Variants in ANKRD18A observed in about 807,000 individuals in gnomAD.
The protein encoded by ANKRD18A is ankyrin repeat domain 18A.
In ANKRD18A, 72 loss-of-function variants were observed where a neutral mutation model predicts 110.6. That is an observed-to-expected ratio of 0.65 (90% CI 0.54 to 0.79). ANKRD18A has a LOEUF of 0.79. ANKRD18A is among the 30% of genes least tolerant of loss of function. ANKRD18A has a pLI of 0.00. For missense variants in ANKRD18A, 934 were observed against 1,163.3 expected (o/e 0.80, Z 2.87); for synonymous variants, 305 against 410.3 (o/e 0.74, Z 3.10).
intron 1 of ANKRD18A, among the ~76,000 whole-genome samples, chr9:38,618,193 A>G (rs1039523327): frequency 6.6e-6 from 1 of 152,220 alleles, no homozygotes; most frequent in Non-Finnish European, 1.5e-5. Context: ...TTCCATTAAT[A>G]ATAAATTTTT....
At position 38,593,753 on chromosome 9, in the gene ANKRD18A, T is replaced by C. The variant is rs1464888622; in HGVS notation, c.2004+7A>G. ...TTAACTGTCTACATGTTAAATTCCA[T>C]ACATACTTGAATTTCTACTTGAAAT... is the stretch of plus-strand genomic sequence containing the variant. On this transcript the variant is annotated splice_region_variant and intron_variant, in intron 10 of 15. Transcript: ENST00000399703. 2 of 1,526,274 alleles carry C rather than the reference T, an allele frequency of 1.3e-6. No homozygotes were observed. The highest frequency in any genetic ancestry group is 1.8e-6 in the Non-Finnish European group (2 of 1,137,334). 94.5% of individuals were successfully genotyped at this position (1,526,274 alleles called of 1,614,324 possible). A position where few individuals can be genotyped will look rare whatever the true frequency, so the allele number is the denominator to read the frequency against.
rs572341074 is a variant in ANKRD18A at position 38,619,887 on chromosome 9, T to C, written c.206+193A>G. On this transcript the variant is annotated intron_variant, in intron 1 of 15. Transcript: ENST00000399703. Reference sequence around the variant, plus strand: ...CGTGGATATGCCTAACTTTGTGAGTTAAATCACTCAAATTTTCCACCAAGC... The same window carrying C: ...CGTGGATATGCCTAACTTTGTGAGTCAAATCACTCAAATTTTCCACCAAGC... Among the ~76,000 whole-genome samples, 5 of 152,320 alleles carry C rather than the reference T, an allele frequency of 3.3e-5. No individual in the cohort carries two copies. The East Asian group carries it at 9.7e-4, about 29-fold the overall frequency.
intron 1 of ANKRD18A, 41 bp from the exon 2 acceptor site, chr9:38,616,085 A>G (rs1825846855): frequency 3.5e-6 from 5 of 1,448,970 alleles, no homozygotes; most frequent in Admixed American, 2.4e-5. Context: ...GTAGTGCAAT[A>G]TCTCAAAACC....
chr9:38,595,342 T>G, intron 9 of ANKRD18A, 144 bp downstream of exon 9: 1 of 880,784 alleles, frequency 1.1e-6, no homozygotes, highest in Non-Finnish European at 1.6e-6. Flanking sequence ...ATGTATTTCC[T>G]GGATGATTCA....
chr9:38,603,663 C>A (rs1027058819), intron 6 of ANKRD18A, among the ~76,000 whole-genome samples: 1 of 152,076 alleles, frequency 6.6e-6, no homozygotes, highest in Non-Finnish European at 1.5e-5. Flanking sequence ...AGAGAGACCA[C>A]ATGGCCTAAA....
downstream of ANKRD18A, chr9:38,568,382 A>G (rs1587471958): frequency 6.6e-6 from 1 of 151,874 alleles, no homozygotes; most frequent in Non-Finnish European, 1.5e-5. Flanking sequence ...CTCAAAGAGC[A>G]ACCAGCCACC....
chr9:38,593,063 C>T (rs1430283130), intron 10 of ANKRD18A, among the ~76,000 whole-genome samples: 1 of 152,132 alleles, frequency 6.6e-6, no homozygotes, highest in Non-Finnish European at 1.5e-5. Context: ...CTGAGTTGTA[C>T]ATTTTAAATG....
chr9:38,615,535 C>T, intron 3 of ANKRD18A, 59 bp downstream of exon 3: 3 of 1,481,410 alleles, frequency 2.0e-6, no homozygotes, highest in Non-Finnish European at 2.7e-6. Context: ...GAAAAATTGA[C>T]TCTTAACTAT....
At chr9:38,582,369 T>C (rs904716470) in intron 12 of ANKRD18A, among the ~76,000 whole-genome samples, 7 of 152,072 alleles carry the variant, frequency 4.6e-5, no homozygotes, top group African/African-American at 1.4e-4. Flanking sequence ...ACAGACTCCT[T>C]TGAGACACAA....
chr9:38,569,541 T>C (rs1366036638), downstream of ANKRD18A: 3 of 807,772 alleles, frequency 3.7e-6, no homozygotes, highest in East Asian at 2.5e-4. Flanking sequence ...AAGAGTGACA[T>C]TGTGGGGTGA....
At chr9:38,589,917 C>T (rs937274971) in intron 10 of ANKRD18A, among the ~76,000 whole-genome samples, 4 of 152,196 alleles carry the variant, frequency 2.6e-5, no homozygotes, top group African/African-American at 9.7e-5. Flanking sequence ...CCAGCTCTGA[C>T]CTTTTTACTG....
chr9:38,577,210 A>T lies in ANKRD18A; in HGVS notation c.2584T>A (p.Ser862Thr), dbSNP rs1207643930. The T allele has an allele frequency of 6.5e-7, 1 of 1,546,308 alleles. No homozygotes were observed. The highest frequency in any genetic ancestry group is 8.7e-7 in the Non-Finnish European group (1 of 1,145,980). The change falls in exon 14 of 16, where the codon TCA becomes ACA. Residue 862 changes from serine (S) to threonine (T), a missense_variant. Physicochemically the swap from Ser to Thr is moderately conservative, Grantham distance 58. Transcript: ENST00000399703. ...AGTGTGAGTTCCTTCTTTTTTAGTG[A>T]AGCCGTATTATCCTTGTTTAACTGC... ...LEQLNKDNTA[S>T]LKKKELTLKD...
intron 8 of ANKRD18A, among the ~76,000 whole-genome samples, chr9:38,597,684 C>T (rs1280283756): frequency 1.3e-5 from 2 of 152,190 alleles, no homozygotes; most frequent in African/African-American, 4.8e-5. Flanking sequence ...TTTGGCAAAA[C>T]AATTTAATGG....
At chr9:38,599,701 T>C (rs1255039133) in intron 8 of ANKRD18A, among the ~76,000 whole-genome samples, 4 of 152,058 alleles carry the variant, frequency 2.6e-5, no homozygotes, top group African/African-American at 9.7e-5. Context: ...TGACCTCAGA[T>C]GATCTGCCTG....
chr9:38,595,163 A>C (rs1288130545), intron 9 of ANKRD18A, among the ~76,000 whole-genome samples: 2 of 152,182 alleles, frequency 1.3e-5, no homozygotes, highest in Non-Finnish European at 2.9e-5. Flanking sequence ...CTTTTTTAAC[A>C]AACAGTTCAA....
chr9:38,580,124 C>T (rs1299339270), intron 12 of ANKRD18A, among the ~76,000 whole-genome samples: 1 of 152,198 alleles, frequency 6.6e-6, no homozygotes, highest in Non-Finnish European at 1.5e-5. Flanking sequence ...AAATTGAGGG[C>T]TGGGCAACAT....
downstream of ANKRD18A, chr9:38,567,365 C>G (rs1211918301): frequency 2.6e-5 from 4 of 152,230 alleles, no homozygotes; most frequent in Admixed American, 1.3e-4. Context: ...GAACTGGAAA[C>G]AGTGCACAAT....
chr9:38,619,400 C>T (rs1825991800), intron 1 of ANKRD18A, among the ~76,000 whole-genome samples: 1 of 152,098 alleles, frequency 6.6e-6, no homozygotes, highest in Admixed American at 6.5e-5. Context: ...TTTTGGATTT[C>T]CTGTTCTGTT....
At chr9:38,596,514 A>T in intron 8 of ANKRD18A, 111 bp from the exon 9 acceptor site, 2 of 979,154 alleles carry the variant, frequency 2.0e-6, no homozygotes, top group Non-Finnish European at 2.8e-6. Context: ...AGTTGCTGTA[A>T]GTGGATATCC....
Sources: gnomAD v4.1 joint callset for allele counts (sites outside exome capture counted in the v4.1 genomes callset) on GRCh38, gnomAD v4.1.1 for gene constraint, MANE v1.5 for transcripts, NCBI Gene and HGNC (gene_info 2026-07-23, HGNC 2026-07-21) for gene names.